Variants in SLCO2A1 observed in about 807,000 individuals in gnomAD.
SLCO2A1 encodes matrin F/G 1.
Under a neutral mutation model 71.7 loss-of-function variants are expected in SLCO2A1, and 60 were observed. The observed-to-expected ratio is 0.84, with a 90% CI of 0.68 to 1.04. SLCO2A1 has a LOEUF of 1.04. SLCO2A1 is among the 50% of genes least tolerant of loss of function. SLCO2A1 has a pLI of 0.00. For missense variants in SLCO2A1, 745 were observed against 813.4 expected (o/e 0.92, Z 1.02); for synonymous variants, 308 against 326.7 (o/e 0.94, Z 0.62).
chr3:133,960,622 G>GGAT (rs1193193154), intron 3 of SLCO2A1, among the ~76,000 whole-genome samples: 1 of 152,160 alleles, frequency 6.6e-6, no homozygotes, highest in Non-Finnish European at 1.5e-5. Context: ...TTCCAGGTGT[G>GGAT]GATGATGATG....
chr3:133,945,627 A>G (rs528938389), intron 9 of SLCO2A1, among the ~76,000 whole-genome samples: 3 of 152,292 alleles, frequency 2.0e-5, no homozygotes, highest in African/African-American at 7.2e-5. Context: ...CTTCAGCCGA[A>G]AAACAGTGGC....
intron 1 of SLCO2A1, among the ~76,000 whole-genome samples, chr3:133,980,400 A>T (rs1934561478): frequency 6.6e-6 from 1 of 152,230 alleles, no homozygotes; most frequent in African/African-American, 2.4e-5. Flanking sequence ...GTGGATGGGA[A>T]CAGATAACAC....
intron 1 of SLCO2A1, among the ~76,000 whole-genome samples, chr3:133,997,345 T>C (rs1303438431): frequency 6.6e-6 from 1 of 152,246 alleles, no homozygotes; most frequent in Non-Finnish European, 1.5e-5. Flanking sequence ...AGATATGTGG[T>C]GGGTTTAACC....
In SLCO2A1 at chr3:134,029,880, G is replaced by A. The variant is rs1213075748; in HGVS notation, c.-78C>T. The stretch of plus-strand genomic sequence containing the variant: ...GCTGGAGCGGCCGGGCGGGTGAGAG[G>A]CGACCGCGGCGGCAGTGGCCGGAGG... On this transcript the variant is annotated 5_prime_UTR_variant, in exon 1 of 14. Transcript: ENST00000310926. The A allele has an allele frequency of 1.3e-6, 1 of 759,054 alleles. No homozygotes were observed. Among genetic ancestry groups the A allele is most frequent in the Non-Finnish European group, 1.8e-6 (1 of 552,586 alleles). 47.0% of individuals were successfully genotyped at this position (759,054 alleles called of 1,614,324 possible). A position where few individuals can be genotyped will look rare whatever the true frequency, so the allele number is the denominator to read the frequency against.
intron 3 of SLCO2A1, 71 bp downstream of exon 3, chr3:133,973,592 G>T: frequency 6.5e-7 from 1 of 1,527,386 alleles, no homozygotes. Flanking sequence ...TGCCCTAGGA[G>T]TATCCCCACT....
chr3:133,983,616 T>C (rs1181602257), intron 1 of SLCO2A1, among the ~76,000 whole-genome samples: 2 of 152,198 alleles, frequency 1.3e-5, no homozygotes, highest in African/African-American at 4.8e-5. Context: ...CTCACAGTCT[T>C]CCCCTTCTTT....
intron 1 of SLCO2A1, among the ~76,000 whole-genome samples, chr3:134,015,332 CAG>C (rs988704111): frequency 4.4e-4 from 67 of 150,840 alleles, no homozygotes; most frequent in African/African-American, 1.6e-3. Context: ...TGAAATAAGA[CAG>C]GCACAGAAAG....
intron 1 of SLCO2A1, among the ~76,000 whole-genome samples, chr3:133,989,459 CA>C (rs1934790151): frequency 6.6e-6 from 1 of 152,174 alleles, no homozygotes; most frequent in African/African-American, 2.4e-5. Flanking sequence ...ACTGCACAAC[CA>C]CACTGACAAC....
intron 1 of SLCO2A1, among the ~76,000 whole-genome samples, chr3:134,029,019 C>T (rs753792715): frequency 1.3e-5 from 2 of 152,146 alleles, no homozygotes; most frequent in Non-Finnish European, 2.9e-5. Context: ...CCTTACTGAA[C>T]CGTGAGAGCT....
intron 1 of SLCO2A1, among the ~76,000 whole-genome samples, chr3:134,017,831 C>T (rs1386641397): frequency 2.6e-5 from 4 of 152,146 alleles, no homozygotes; most frequent in African/African-American, 9.7e-5. Flanking sequence ...TGGTCTATTA[C>T]ACAAGCAAGA....
At chr3:134,019,880 AG>A (rs1329656394) in intron 1 of SLCO2A1, among the ~76,000 whole-genome samples, 1 of 152,084 alleles carries the variant, frequency 6.6e-6, no homozygotes, top group Non-Finnish European at 1.5e-5. Flanking sequence ...CCACTAAGGG[AG>A]GAGACCACCC....
At chr3:133,984,802 T>C (rs1046595940) in intron 1 of SLCO2A1, among the ~76,000 whole-genome samples, 1 of 152,220 alleles carries the variant, frequency 6.6e-6, no homozygotes, top group Non-Finnish European at 1.5e-5. Context: ...TAGTTTTTGA[T>C]GATTTGAGTT....
intron 3 of SLCO2A1, among the ~76,000 whole-genome samples, chr3:133,957,535 C>A (rs1484815325): frequency 2.0e-5 from 3 of 152,160 alleles, no homozygotes; most frequent in Admixed American, 1.3e-4. Context: ...AGTCTGATGG[C>A]AGCTTGAAAA....
intron 11 of SLCO2A1, among the ~76,000 whole-genome samples, chr3:133,940,629 G>A (rs1933396822): frequency 6.6e-6 from 1 of 152,128 alleles, no homozygotes; most frequent in Non-Finnish European, 1.5e-5. Context: ...GGTCCACTGT[G>A]GTCCATCTGA....
At chr3:133,947,147 A>AT in intron 9 of SLCO2A1, 109 bp downstream of exon 9, 1 of 950,914 alleles carries the variant, frequency 1.1e-6, no homozygotes, top group Non-Finnish European at 1.5e-6. Context: ...AAAAAAAAAA[A>AT]GTGTACAGCA....
rs181901544 is a variant in SLCO2A1, at chr3:134,016,402, A to T, written c.96+13305T>A. ...GGAAAAAACATTCCAATGAAGAGGA[A>T]ATACAAACAGTAAATAAACACATGA... is the stretch of plus-strand genomic sequence containing the variant. On this transcript the variant is annotated intron_variant, in intron 1 of 13. Transcript: ENST00000310926. Among the ~76,000 whole-genome samples, 610 of 152,334 alleles carry T rather than the reference A, an allele frequency of 4.0e-3. 5 individuals are homozygous for T. The highest frequency in any genetic ancestry group is 0.014 in the African/African-American group (575 of 41,556).
chr3:134,028,891 T>G (rs1935752647), intron 1 of SLCO2A1, among the ~76,000 whole-genome samples: 1 of 152,148 alleles, frequency 6.6e-6, no homozygotes, highest in Non-Finnish European at 1.5e-5. Context: ...CCTGGACCTG[T>G]GAGGGAGTGG....
At chr3:134,017,338 T>C (rs1935476074) in intron 1 of SLCO2A1, among the ~76,000 whole-genome samples, 1 of 152,210 alleles carries the variant, frequency 6.6e-6, no homozygotes, top group Non-Finnish European at 1.5e-5. Context: ...TTTTTTCAAT[T>C]CTAAATCAAT....
intron 1 of SLCO2A1, among the ~76,000 whole-genome samples, chr3:134,003,623 T>C (rs1294627268): frequency 6.6e-6 from 1 of 152,230 alleles, no homozygotes; most frequent in Non-Finnish European, 1.5e-5. Flanking sequence ...TATTGCTCAA[T>C]GATGCTCACC....
Sources: gnomAD v4.1 joint callset for allele counts (sites outside exome capture counted in the v4.1 genomes callset) on GRCh38, gnomAD v4.1.1 for gene constraint, MANE v1.5 for transcripts, NCBI Gene and HGNC (gene_info 2026-07-23, HGNC 2026-07-21) for gene names.